The following OLFM2 variants were observed in gnomAD, a reference collection of about 807,000 sequenced individuals.
OLFM2 encodes the protein olfactomedin 2.
In OLFM2, 20 loss-of-function variants were observed where a neutral mutation model predicts 43.9. That is an observed-to-expected ratio of 0.46 (90% CI 0.32 to 0.66). The LOEUF (loss-of-function observed/expected upper bound fraction) is 0.66, where lower values mean the gene tolerates loss of function less well. Among genes scored for constraint, OLFM2 ranks in the 30% least tolerant of loss-of-function variants. The pLI, the probability that OLFM2 is intolerant of heterozygous loss-of-function variation, is 0.04. For synonymous variants in OLFM2, 268 were observed against 278.6 expected, an observed-to-expected ratio of 0.96 and a Z score of 0.38; for missense variants, 416 against 643.6, an observed-to-expected ratio of 0.65 and a Z score of 3.83.
chr19:9,920,902 A>G (rs997256054), intron 1 of OLFM2, among the ~76,000 whole-genome samples: 4 of 148,678 alleles, frequency 2.7e-5, no homozygotes, highest in Non-Finnish European at 5.9e-5. Context: ...GTGAGACTCC[A>G]TCTTGAAAAA....
At chr19:9,866,497 C>CAT (rs35895921) in intron 1 of OLFM2, among the ~76,000 whole-genome samples, 1 of 125,592 alleles carries the variant, frequency 8.0e-6, no homozygotes, top group African/African-American at 3.0e-5. Flanking sequence ...AGCCAACCCA[C>CAT]TTTTTTTTTT....
At chr19:9,883,775 C>T (rs1046166244) in intron 1 of OLFM2, among the ~76,000 whole-genome samples, 3 of 152,146 alleles carry the variant, frequency 2.0e-5, no homozygotes, top group East Asian at 1.9e-4. Context: ...AAGCATTGCC[C>T]GTGTGCCAGG....
intron 1 of OLFM2, among the ~76,000 whole-genome samples, chr19:9,867,036 A>G (rs1335057127): frequency 6.6e-6 from 1 of 152,152 alleles, no homozygotes; most frequent in East Asian, 1.9e-4. Context: ...GCCAGGGATC[A>G]TCATCTCCTA....
intron 1 of OLFM2, among the ~76,000 whole-genome samples, chr19:9,863,118 C>G (rs971692874): frequency 1.3e-4 from 20 of 151,892 alleles, no homozygotes; most frequent in African/African-American, 4.8e-4. Flanking sequence ...AGGGAGGAGC[C>G]ATTTGGATGT....
intron 1 of OLFM2, among the ~76,000 whole-genome samples, chr19:9,898,740 T>C (rs746598432): frequency 6.6e-6 from 1 of 152,138 alleles, no homozygotes; most frequent in Non-Finnish European, 1.5e-5. Flanking sequence ...TGTTCCTCTC[T>C]TCCCCCAATT....
intron 1 of OLFM2, among the ~76,000 whole-genome samples, chr19:9,921,182 T>G (rs1211543375): frequency 6.6e-6 from 1 of 152,164 alleles, no homozygotes; most frequent in African/African-American, 2.4e-5. Context: ...AGTCACATGA[T>G]CATACTTCAC....
chr19:9,912,423 G>A (rs982932461), intron 1 of OLFM2, among the ~76,000 whole-genome samples: 3 of 152,296 alleles, frequency 2.0e-5, no homozygotes, highest in Non-Finnish European at 2.9e-5. Flanking sequence ...GAGGGTTGGT[G>A]AAGTTGGGGC....
chr19:9,909,456 C>T (rs964828210), intron 1 of OLFM2, among the ~76,000 whole-genome samples: 8 of 152,118 alleles, frequency 5.3e-5, no homozygotes, highest in South Asian at 2.1e-4. Context: ...AAGGTAGTAG[C>T]GGCAGCTTCC....
chr19:9,935,053 A>G (rs1213927358), intron 1 of OLFM2, among the ~76,000 whole-genome samples: 1 of 152,156 alleles, frequency 6.6e-6, no homozygotes, highest in African/African-American at 2.4e-5. Context: ...GCCTCGGTTC[A>G]GTCCCACCTC....
At chr19:9,904,046 C>T (rs2046762521) in intron 1 of OLFM2, among the ~76,000 whole-genome samples, 1 of 152,206 alleles carries the variant, frequency 6.6e-6, no homozygotes, top group East Asian at 1.9e-4. Context: ...ATACTGAAGG[C>T]TGCATTACCT....
Position 9,917,722 on chromosome 19 carries a change from C to T in OLFM2, c.63+18582G>A, listed in dbSNP as rs1407611489. Among the ~76,000 whole-genome samples, 4 of 149,736 alleles carry T rather than the reference C, an allele frequency of 2.7e-5. No homozygotes were observed. In the Admixed American group the frequency reaches 2.7e-4, roughly 10 times the overall value. The stretch of plus-strand genomic sequence containing the variant: ...TCTTTCTTCTCCCACTTAACCAATT[C>T]CCTGTATTAAATTTCCCCTCTCTGA... On this transcript the variant is annotated intron_variant, in intron 1 of 5. Transcript: ENST00000264833.
At chr19:9,872,185 A>G (rs1314929359) in intron 1 of OLFM2, among the ~76,000 whole-genome samples, 3 of 152,160 alleles carry the variant, frequency 2.0e-5, no homozygotes, top group Admixed American at 6.6e-5. Context: ...GTATTGGGCA[A>G]ATATCCCCTG....
In OLFM2 at chr19:9,913,389, G is replaced by A. The variant is rs538416898; in HGVS notation, c.63+22915C>T. ...CGTGGGAAGCACAGGGGTAGAGGGG[G>A]ACAGGTGGGGGCCCCGGGGGCTGCG... On this transcript the variant is annotated intron_variant, in intron 1 of 5. Coordinates refer to ENST00000264833, the MANE Select transcript of OLFM2 (RefSeq NM_058164.4). The A allele has an allele frequency of 1.0e-5, 7 of 689,536 alleles. No individual in the cohort carries two copies. In the South Asian group the frequency reaches 3.8e-4, roughly 37 times the overall value. 42.7% of individuals were successfully genotyped at this position (689,536 alleles called of 1,614,324 possible).
chr19:9,915,231 T>TTC (rs779057173), intron 1 of OLFM2, among the ~76,000 whole-genome samples: 11,662 of 128,646 alleles, frequency 0.091, 663 homozygotes, highest in Non-Finnish European at 0.13. Flanking sequence ...TCTTTTTCTT[T>TTC]TCTCTCTCTT....
intron 1 of OLFM2, among the ~76,000 whole-genome samples, chr19:9,903,363 T>G (rs548268823): frequency 6.6e-6 from 1 of 152,292 alleles, no homozygotes; most frequent in African/African-American, 2.4e-5. Context: ...GGTACCCACA[T>G]GTATGCTCAC....
intron 1 of OLFM2, among the ~76,000 whole-genome samples, chr19:9,877,396 G>A (rs1442111249): frequency 6.6e-6 from 1 of 151,940 alleles, no homozygotes; most frequent in Non-Finnish European, 1.5e-5. Context: ...AGCCAGGCGT[G>A]GTGGCACATG....
chr19:9,888,841 C>A (rs1277234892), intron 1 of OLFM2, among the ~76,000 whole-genome samples: 1 of 151,832 alleles, frequency 6.6e-6, no homozygotes, highest in African/African-American at 2.4e-5. Flanking sequence ...CCGAGGCGGG[C>A]GGATCACAAG....
intron 1 of OLFM2, among the ~76,000 whole-genome samples, chr19:9,870,411 G>T (rs1440798792): frequency 6.6e-6 from 1 of 152,126 alleles, no homozygotes; most frequent in African/African-American, 2.4e-5. Flanking sequence ...GATGAGAGGG[G>T]ACACTTGCTC....
intron 1 of OLFM2, among the ~76,000 whole-genome samples, chr19:9,912,103 CATTCCCCCATAT>C (rs1382723885): frequency 6.6e-6 from 1 of 152,076 alleles, no homozygotes; most frequent in Admixed American, 6.6e-5. Context: ...TCTCCACTCC[CATTCCCCCATAT>C]ACACACCGAA....
Sources: allele counts gnomAD v4.1 joint callset (sites outside exome capture counted in the v4.1 genomes callset), GRCh38; gene constraint gnomAD v4.1.1; transcripts MANE v1.5; gene names NCBI Gene and HGNC (gene_info 2026-07-23, HGNC 2026-07-21).